The following BICDL1 variants were observed in gnomAD, a reference collection of about 807,000 sequenced individuals.
BICDL1 encodes the protein BICD family like cargo adaptor 1, also known as BICD family-like cargo adapter 1.
A neutral mutation model predicts 76.8 loss-of-function variants in BICDL1; 20 were observed. The observed-to-expected ratio is 0.26, with a 90% CI of 0.18 to 0.38. The LOEUF (loss-of-function observed/expected upper bound fraction) is 0.38. BICDL1 is among the 10% of genes least tolerant of loss of function. BICDL1 has a pLI of 1.00. For missense variants in BICDL1, 700 were observed against 798.6 expected, an observed-to-expected ratio of 0.88 and a Z score of 1.49; for synonymous variants, 383 against 337.1, an observed-to-expected ratio of 1.14 and a Z score of -1.49.
intron 2 of BICDL1, among the ~76,000 whole-genome samples, chr12:120,061,349 A>C (rs7304560): frequency 0.056 from 8,490 of 152,300 alleles, 469 homozygotes; most frequent in African/African-American, 0.14. Flanking sequence ...CAGTAGGTAT[A>C]ACCATCTTAT....
At chr12:120,045,917 T>TATAATA (rs72097325) in intron 2 of BICDL1, among the ~76,000 whole-genome samples, 3,988 of 137,670 alleles carry the variant, frequency 0.029, 177 homozygotes, top group African/African-American at 0.1. Context: ...CTTAAAGTAT[T>TATAATA]ATAATAATAA....
At position 120,093,015 on chromosome 12, in the gene BICDL1, G is replaced by T. The variant is rs765085970; in HGVS notation, c.1720G>T (p.Val574Phe). The T allele has an allele frequency of 1.9e-6, 3 of 1,574,278 alleles. No individual in the cohort carries two copies. In the South Asian group the frequency reaches 3.5e-5, roughly 19 times the overall value. ...CCCTCTGCAGGATGACATGCACAGG[G>T]TCATTGACCGGCAGCTGATGGACAC... ...LEAWQDDMHR[V>F]IDRQLMDTHL... is the part of the protein sequence containing the mutation. The change falls in exon 10 of 10, where the codon GTC becomes TTC. Residue 574 changes from valine to phenylalanine, a missense_variant. Coordinates refer to ENST00000548673, the MANE Select transcript of BICDL1 (RefSeq NM_001367886.1).
chr12:119,996,950 AT>A lies in BICDL1; in HGVS notation c.430-1555del, dbSNP rs368753843. On this transcript the variant is annotated intron_variant, in intron 1 of 9. Transcript: ENST00000548673. ...GCATATTTATCTCAGAAACAAAAAG[AT>A]TTTTTTTTTTTTTTTGAGACGGAGT... Among the ~76,000 whole-genome samples the A allele has an allele frequency of 5.6e-3, 683 of 121,256 alleles. 4 individuals are homozygous for A. Among genetic ancestry groups the A allele is most frequent in the Middle Eastern group, 0.019 (5 of 258 alleles). 79.5% of individuals were successfully genotyped at this position (121,256 alleles called of 152,430 possible).
At chr12:120,070,010 T>G in intron 4 of BICDL1, among the ~76,000 whole-genome samples, 1 of 152,242 alleles carries the variant, frequency 6.6e-6, no homozygotes, top group African/African-American at 2.4e-5. Context: ...TCTATAGTAT[T>G]CTAACATGTG....
chr12:120,006,804 G>C lies in BICDL1; in HGVS notation c.645+8068G>C, dbSNP rs550961135. 8.9e-4 allele frequency among the ~76,000 whole-genome samples: 136 copies of C among 152,290 alleles called. 1 individual carries two copies. The highest frequency in any genetic ancestry group is 3.0e-3 in the African/African-American group (124 of 41,560). ...CATAGGGCCTTGCTAGCTACCAGGG[G>C]TTTTAGTCAGTGTGCTGGGAAGCCA... On this transcript the variant is annotated intron_variant, in intron 2 of 9. Coordinates refer to ENST00000548673, the MANE Select transcript of BICDL1 (RefSeq NM_001367886.1).
At chr12:120,024,839 T>G (rs1347639243) in intron 2 of BICDL1, among the ~76,000 whole-genome samples, 3 of 151,388 alleles carry the variant, frequency 2.0e-5, no homozygotes, top group Non-Finnish European at 4.4e-5. Context: ...GTTGTTGTTG[T>G]TGTTGTTGTT....
chr12:120,091,201 A>G lies in BICDL1; in HGVS notation c.1704+1130A>G. 2 of 1,191,640 alleles carry G rather than the reference A, an allele frequency of 1.7e-6. 1 individual carries two copies. The highest frequency in any genetic ancestry group is 3.1e-5 in the South Asian group (2 of 63,546). The allele number at this position is 1,191,640 out of a possible 1,614,324, so 73.8% of individuals were successfully genotyped here. A position where few individuals can be genotyped will look rare whatever the true frequency, so the allele number is the denominator to read the frequency against. ...CACAGTCGCGTCCAGTGAGCTCTTC[A>G]GCAGTGTGTGGCCCAGTGCTAACGG... On this transcript the variant is annotated intron_variant, in intron 9 of 9. Coordinates refer to ENST00000548673, the MANE Select transcript of BICDL1 (RefSeq NM_001367886.1).
chr12:120,088,857 G>A (rs373558873), intron 8 of BICDL1, among the ~76,000 whole-genome samples: 22 of 151,522 alleles, frequency 1.5e-4, no homozygotes, highest in Non-Finnish European at 3.1e-4. Flanking sequence ...TAGTAGAGAC[G>A]GGGTTTCACT....
At chr12:119,990,463 G>A (rs887311010) in intron 1 of BICDL1, among the ~76,000 whole-genome samples, 166 bp downstream of exon 1, 1 of 152,178 alleles carries the variant, frequency 6.6e-6, no homozygotes, top group Non-Finnish European at 1.5e-5. Context: ...AGATTTCGTT[G>A]AACCCACTTG....
At position 119,998,934 on chromosome 12, in the gene BICDL1, G is replaced by A. The variant is rs144705742; in HGVS notation, c.645+198G>A. 8.4e-3 allele frequency among the ~76,000 whole-genome samples: 1,271 copies of A among 152,056 alleles called. 30 individuals are homozygous for A. The highest frequency in any genetic ancestry group is 0.029 in the African/African-American group (1,216 of 41,454). On this transcript the variant is annotated intron_variant, in intron 2 of 9. Transcript: ENST00000548673. ...TAGCCAGGCATGGTGGCACCTGCCT[G>A]TGGTCCCAGCTACTTGGGAGGCTGA...
chr12:120,063,061 A>G (rs1566253211), intron 3 of BICDL1, among the ~76,000 whole-genome samples: 1 of 152,170 alleles, frequency 6.6e-6, no homozygotes, highest in African/African-American at 2.4e-5. Flanking sequence ...AAGCTATGAA[A>G]TTGTTTGTTT....
chr12:120,033,592 A>G (rs1464834410), intron 2 of BICDL1, among the ~76,000 whole-genome samples: 1 of 151,866 alleles, frequency 6.6e-6, no homozygotes, highest in Non-Finnish European at 1.5e-5. Flanking sequence ...CGTGTTAGCC[A>G]GGATGGTCTC....
chr12:120,001,002 A>G (rs1162910617), intron 2 of BICDL1, among the ~76,000 whole-genome samples: 1 of 152,202 alleles, frequency 6.6e-6, no homozygotes, highest in East Asian at 1.9e-4. Flanking sequence ...AAAAGAACGT[A>G]GGAAGATAAC....
intron 2 of BICDL1, among the ~76,000 whole-genome samples, chr12:120,023,185 A>G (rs1240824089): frequency 6.6e-6 from 1 of 152,228 alleles, no homozygotes; most frequent in Non-Finnish European, 1.5e-5. Context: ...CATATGAAAT[A>G]CACTAATGAT....
chr12:120,067,934 C>A (rs1182822397), intron 4 of BICDL1, among the ~76,000 whole-genome samples: 2 of 152,220 alleles, frequency 1.3e-5, no homozygotes, highest in South Asian at 4.1e-4. Flanking sequence ...TATTGCTGAT[C>A]CACCAGAACT....
rs575661805 is a variant in BICDL1, at chr12:120,093,943, G to A, written c.*782G>A. The A allele has an allele frequency of 2.8e-5, 9 of 318,048 alleles. No homozygotes were observed. Among genetic ancestry groups the A allele is most frequent in the Admixed American group, 1.2e-4 (3 of 24,118 alleles). 19.7% of individuals were successfully genotyped at this position (318,048 alleles called of 1,614,324 possible). ...CCCCTGCTCAGGGCTGGGGTTGGAC[G>A]GGGTCTCCTCCTCCCACAGCTCCCT... On this transcript the variant is annotated 3_prime_UTR_variant, in exon 10 of 10. Transcript: ENST00000548673.
chr12:120,054,895 C>T (rs983778084), intron 2 of BICDL1, among the ~76,000 whole-genome samples: 4 of 151,870 alleles, frequency 2.6e-5, no homozygotes, highest in Non-Finnish European at 4.4e-5. Context: ...ATAATAATAA[C>T]GTAGGAATGC....
rs771950638 is a variant in BICDL1, at chr12:120,071,783, G to A, written c.1071G>A (p.Leu357=). Residue 357 remains leucine (L), a synonymous_variant, in exon 5 of 10, where the codon CTG becomes CTA. Transcript: ENST00000548673. This position sits in a 1 kb window ranked among gnomAD's most constrained non-coding sequence, Gnocchi z 4.8. ...AGCAGAGCATGGAGGCTGAGGAGCT[G>A]GAGCAGGAGCGAGAGCAGGTGCTGA... ...EIEQSMEAEE[L]EQEREQLRLQ... The A allele has an allele frequency of 6.2e-7, 1 of 1,608,508 alleles. No homozygotes were observed. Among genetic ancestry groups the A allele is most frequent in the South Asian group, 1.1e-5 (1 of 90,404 alleles).
At chr12:120,039,031 C>G (rs986904623) in intron 2 of BICDL1, among the ~76,000 whole-genome samples, 17 of 152,262 alleles carry the variant, frequency 1.1e-4, no homozygotes, top group African/African-American at 4.1e-4. Context: ...GGCACGGTGA[C>G]TCAGCCTGTA....
Sources: allele counts gnomAD v4.1 joint callset (sites outside exome capture counted in the v4.1 genomes callset), GRCh38; gene constraint gnomAD v4.1.1; non-coding constraint Gnocchi (gnomAD v3.1); transcripts MANE v1.5; gene names NCBI Gene and HGNC (gene_info 2026-07-23, HGNC 2026-07-21).